Variants in MAP3K1 observed in about 807,000 individuals in gnomAD.
MAP3K1 encodes mitogen-activated protein kinase kinase kinase 1.
MAP3K1 carries 36 observed loss-of-function variants against 144.2 expected under a neutral mutation model. The ratio of observed to expected loss-of-function variants is 0.25; its 90% confidence interval spans 0.19 to 0.33. The LOEUF (loss-of-function observed/expected upper bound fraction) is 0.33. Among genes scored for constraint, MAP3K1 ranks in the 10% least tolerant of loss-of-function variants. The pLI is 1.00. For synonymous variants in MAP3K1, 718 were observed against 688.7 expected (o/e 1.04, Z -0.67); for missense variants, 1,650 against 1,881.9 (o/e 0.88, Z 2.28).
In MAP3K1 at chr5:56,815,591, G is replaced by A; in HGVS notation, c.18G>A (p.Gly6=). 3.1e-6 allele frequency: 4 copies of A among 1,297,186 alleles called. No individual in the cohort carries two copies. Among genetic ancestry groups the A allele is most frequent in the Middle Eastern group, 2.9e-4 (1 of 3,408 alleles). The allele number at this position is 1,297,186 out of a possible 1,614,324, so 80.4% of individuals were successfully genotyped here. The change falls in exon 1 of 20, where the codon GGG becomes GGA. Residue 6 remains glycine (G), a synonymous_variant. Transcript: ENST00000399503. MAAAA[G]NRASSSGFPG... is the part of the protein sequence containing the mutation. ...GAGAGAAAATGGCGGCGGCGGCGGGGAATCGCGCCTCGTCGTCGGGATTCC... is the reference window on the plus strand; with the variant it reads ...GAGAGAAAATGGCGGCGGCGGCGGGAAATCGCGCCTCGTCGTCGGGATTCC...
At chr5:56,885,850 G>A (rs1353031610) in intron 16 of MAP3K1, 82 bp from the exon 17 acceptor site, 5 of 1,199,204 alleles carry the variant, frequency 4.2e-6, no homozygotes, top group Non-Finnish European at 4.9e-6. Context: ...AGTTCATGCA[G>A]TGAAAACTTT....
chr5:56,817,307 C>G (rs1746007997), intron 1 of MAP3K1, among the ~76,000 whole-genome samples: 1 of 152,136 alleles, frequency 6.6e-6, no homozygotes, highest in African/African-American at 2.4e-5. Flanking sequence ...GTGATAGTCC[C>G]TCGTGGCCCT....
intron 1 of MAP3K1, among the ~76,000 whole-genome samples, chr5:56,836,292 C>G (rs1203866591): frequency 6.9e-6 from 1 of 144,956 alleles, no homozygotes; most frequent in East Asian, 2.0e-4. Flanking sequence ...TACTCTCTCT[C>G]CATATTTCAA....
In MAP3K1 at chr5:56,872,562, A is replaced by G. The variant is rs151277107; in HGVS notation, c.1424-79A>G. ...TTGAGGTTCCTTCTATATAAATTCT[A>G]TAATTATAAACAGTTATGAAATAAA... On this transcript the variant is annotated intron_variant, in intron 7 of 19. Transcript: ENST00000399503. 76 of 846,232 alleles carry G rather than the reference A, an allele frequency of 9.0e-5. 1 individual carries two copies. The East Asian group carries it at 1.7e-3, about 19-fold the overall frequency. 52.4% of individuals were successfully genotyped at this position (846,232 alleles called of 1,614,324 possible).
At chr5:56,864,410 C>T (rs1747612108) in intron 3 of MAP3K1, among the ~76,000 whole-genome samples, 1 of 144,118 alleles carries the variant, frequency 6.9e-6, no homozygotes, top group Non-Finnish European at 1.5e-5. Flanking sequence ...TGGAGCCTCG[C>T]TCTGTTGCCC....
At chr5:56,843,849 C>A (rs769990593) in intron 1 of MAP3K1, among the ~76,000 whole-genome samples, 3 of 152,092 alleles carry the variant, frequency 2.0e-5, no homozygotes, top group Admixed American at 6.5e-5. Flanking sequence ...CATTAAGATT[C>A]CTGGTGTTAG....
intron 1 of MAP3K1, among the ~76,000 whole-genome samples, chr5:56,835,353 C>T (rs1746617260): frequency 7.7e-6 from 1 of 130,538 alleles, no homozygotes; most frequent in African/African-American, 3.1e-5. Context: ...GAAGAGTTGA[C>T]AGGAAGGCAG....
intron 10 of MAP3K1, among the ~76,000 whole-genome samples, chr5:56,876,083 C>T (rs1342909681): frequency 6.7e-6 from 1 of 149,800 alleles, no homozygotes; most frequent in Non-Finnish European, 1.5e-5. Flanking sequence ...ATTTAGGAGA[C>T]TAACTGGACT....
intron 9 of MAP3K1, among the ~76,000 whole-genome samples, chr5:56,873,781 T>C (rs1747932971): frequency 6.6e-6 from 1 of 152,244 alleles, no homozygotes; most frequent in Non-Finnish European, 1.5e-5. Context: ...CATTTTTCTT[T>C]TGTGACCATT....
At chr5:56,824,943 T>A (rs2591951) in intron 1 of MAP3K1, among the ~76,000 whole-genome samples, 98,282 of 151,542 alleles carry the variant, frequency 0.65, 33,041 homozygotes, top group Non-Finnish European at 0.75. Flanking sequence ...TAAAAAAAAT[T>A]TTTATTTTTT....
In MAP3K1 at chr5:56,841,487, T is replaced by C. The variant is rs541020692; in HGVS notation, c.483-15113T>C. Reference sequence around the variant, plus strand: ...CAGATCCACTTAGCTACCACGTAGATGGTGATGATACCTTAAGAAAGGATT... The same window carrying C: ...CAGATCCACTTAGCTACCACGTAGACGGTGATGATACCTTAAGAAAGGATT... On this transcript the variant is annotated intron_variant, in intron 1 of 19. Transcript: ENST00000399503. Among the ~76,000 whole-genome samples the C allele has an allele frequency of 5.3e-4, 81 of 152,302 alleles. 1 individual carries two copies. In the South Asian group the frequency reaches 0.015, roughly 28 times the overall value.
Position 56,859,800 on chromosome 5 carries a change from C to G in MAP3K1, c.719C>G (p.Ala240Gly), listed in dbSNP as rs768025328. Reference sequence around the variant, plus strand: ...TCTCCAGGAGAGGTCCAGGCAAGTGCGGCTTCACCAGCTTCCAAAGGCCGA... The same window carrying G: ...TCTCCAGGAGAGGTCCAGGCAAGTGGGGCTTCACCAGCTTCCAAAGGCCGA... ...AESPGEVQAS[A>G]ASPASKGRRS... Residue 240 changes from alanine (A) to glycine (G), a missense_variant, in exon 3 of 20, where the codon GCG (alanine) becomes GGG (glycine). Physicochemically the swap from Ala to Gly is moderately conservative, Grantham distance 60. Around this residue, in one of 6 missense-constraint regions of MAP3K1, gnomAD observed 148 missense variants for 177.2 expected, o/e 0.84. Transcript: ENST00000399503. 1 of 1,613,946 alleles carries G rather than the reference C, an allele frequency of 6.2e-7. No individual in the cohort carries two copies. The highest frequency in any genetic ancestry group is 8.5e-7 in the Non-Finnish European group (1 of 1,179,926).
rs369723872 is a variant in MAP3K1 at position 56,881,085 on chromosome 5, T to C, written c.2182T>C (p.Ser728Pro). 40 of 1,608,636 alleles carry C rather than the reference T, an allele frequency of 2.5e-5. No individual in the cohort carries two copies. Among genetic ancestry groups the C allele is most frequent in the Middle Eastern group, 3.3e-4 (2 of 6,068 alleles). ...TATTTTTACTTTCCTTTTTGTAGGA[T>C]CCATTGGTATTGGTGGTGTTGATTA... is the stretch of plus-strand genomic sequence containing the variant. ...AVGREILKAG[S>P]IGIGGVDYVL... is the part of the protein sequence containing the mutation. Residue 728 changes from serine to proline, a missense_variant and splice_region_variant, in exon 13 of 20, where the codon TCC becomes CCC. By Grantham distance (74) the Ser-to-Pro change is moderately conservative (BLOSUM62 -1). Coordinates refer to ENST00000399503, the MANE Select transcript of MAP3K1 (RefSeq NM_005921.2).
rs934527559 is a variant in MAP3K1, at chr5:56,894,912, ACGG to A, written c.*1233_*1235del. The A allele has an allele frequency of 1.7e-5, 4 of 232,026 alleles. No homozygotes were observed. Among genetic ancestry groups the A allele is most frequent in the African/African-American group, 8.8e-5 (4 of 45,424 alleles). The allele number at this position is 232,026 out of a possible 1,614,324, so 14.4% of individuals were successfully genotyped here. On this transcript the variant is annotated 3_prime_UTR_variant, in exon 20 of 20. Coordinates refer to ENST00000399503, the MANE Select transcript of MAP3K1 (RefSeq NM_005921.2). ...TCCTTGGATTTTGCACAGTTACCTA[ACGG>A]TTTTAGTCTGGAGTTAAATTCAGAT...
intron 1 of MAP3K1, among the ~76,000 whole-genome samples, chr5:56,854,773 G>A (rs893895753): frequency 2.6e-5 from 4 of 152,162 alleles, no homozygotes; most frequent in African/African-American, 9.7e-5. Flanking sequence ...CAGATTTGGG[G>A]GAAGAGAGAT....
intron 6 of MAP3K1, among the ~76,000 whole-genome samples, chr5:56,869,370 A>G (rs566992480): frequency 5.9e-5 from 9 of 152,314 alleles, no homozygotes; most frequent in Middle Eastern, 3.4e-3. Context: ...GATGAAAAGG[A>G]TACTGGAGAC....
At chr5:56,859,664 CTTACCTT>C in intron 2 of MAP3K1, 44 bp from the exon 3 acceptor site, 2 of 1,351,920 alleles carry the variant, frequency 1.5e-6, no homozygotes, top group Non-Finnish European at 2.1e-6. Flanking sequence ...TTTACATTTA[CTTACCTT>C]TTATATTTTT....
intron 6 of MAP3K1, 68 bp from the exon 7 acceptor site, chr5:56,871,842 G>GT: frequency 6.8e-7 from 1 of 1,477,032 alleles, no homozygotes; most frequent in Non-Finnish European, 9.4e-7. Context: ...AGCAGAAAGT[G>GT]TTTTTAGCAT....
At chr5:56,866,008 A>T (rs545050907) in intron 6 of MAP3K1, 31 bp downstream of exon 6, 1 of 1,532,366 alleles carries the variant, frequency 6.5e-7, no homozygotes, top group African/African-American at 1.4e-5. Context: ...TCAAACATTA[A>T]TCCAGTGTTA....
Sources: allele counts gnomAD v4.1 joint callset (sites outside exome capture counted in the v4.1 genomes callset), GRCh38; gene constraint gnomAD v4.1.1; regional missense constraint gnomAD v4.1.1; transcripts MANE v1.5; gene names NCBI Gene and HGNC (gene_info 2026-07-23, HGNC 2026-07-21).